MYO18B: variants seen among roughly 807,000 people sequenced by gnomAD.
MYO18B encodes the protein myosin XVIIIB.
Under a neutral mutation model 273.0 loss-of-function variants are expected in MYO18B, and 204 were observed. The ratio of observed to expected loss-of-function variants is 0.75; its 90% CI spans 0.67 to 0.84. MYO18B has a LOEUF of 0.84. Among genes scored for constraint, MYO18B ranks in the 40% least tolerant of loss-of-function variants. MYO18B has a pLI of 0.00. For synonymous variants in MYO18B, 1,330 were observed against 1,305.7 expected, an observed-to-expected ratio of 1.02 and a Z score of -0.40; for missense variants, 3,212 against 3,287.6, an observed-to-expected ratio of 0.98 and a Z score of 0.56.
At chr22:25,948,719 C>T (rs2092757799) in intron 36 of MYO18B, among the ~76,000 whole-genome samples, 1 of 151,828 alleles carries the variant, frequency 6.6e-6, no homozygotes, top group African/African-American at 2.4e-5. Flanking sequence ...CTTCATGTAC[C>T]TCACAGTTTA....
intron 26 of MYO18B, 86 bp from the exon 27 acceptor site, chr22:25,891,218 C>T (rs761237466): frequency 4.3e-5 from 45 of 1,038,780 alleles, no homozygotes; most frequent in South Asian, 4.5e-5. Context: ...GTGGCCAATC[C>T]GAGCCTTGGA....
At chr22:26,061,394 T>C in the MYO18B span, among the ~76,000 whole-genome samples, 3 of 152,178 alleles carry the variant, frequency 2.0e-5, no homozygotes, top group Admixed American at 6.5e-5. Flanking sequence ...CTTTCTGTTT[T>C]CCACCTTGAT....
chr22:25,924,319 A>T (rs552634987), intron 34 of MYO18B, among the ~76,000 whole-genome samples: 1 of 152,246 alleles, frequency 6.6e-6, no homozygotes, highest in African/African-American at 2.4e-5. Flanking sequence ...GCTGGCTGCT[A>T]CTTAAGTGCT....
chr22:25,779,854 C>T (rs916624142), intron 8 of MYO18B, among the ~76,000 whole-genome samples: 1 of 152,192 alleles, frequency 6.6e-6, no homozygotes, highest in Non-Finnish European at 1.5e-5. Flanking sequence ...GCCCAGCAAT[C>T]GGTGCTCAGT....
At chr22:25,787,309 C>CACACACACACAG (rs57856007) in intron 11 of MYO18B, among the ~76,000 whole-genome samples, 1,704 of 144,746 alleles carry the variant, frequency 0.012, 20 homozygotes, top group African/African-American at 0.028. Context: ...CACACACACA[C>CACACACACACAG]AGTCTGTCTT....
At chr22:25,788,490 G>A (rs572156626) in intron 11 of MYO18B, among the ~76,000 whole-genome samples, 2 of 152,340 alleles carry the variant, frequency 1.3e-5, no homozygotes, top group East Asian at 1.9e-4. Flanking sequence ...GCCTATCAGG[G>A]CAGGCTGCCT....
At chr22:25,766,878 G>A (rs2086524788) in intron 3 of MYO18B, among the ~76,000 whole-genome samples, 1 of 152,268 alleles carries the variant, frequency 6.6e-6, no homozygotes, top group South Asian at 2.1e-4. Flanking sequence ...GCAGCAAATT[G>A]AAGGGACAGC....
downstream of MYO18B, among the ~76,000 whole-genome samples, chr22:26,033,793 TCTCC>T (rs1936715701): frequency 1.5e-5 from 2 of 131,946 alleles, no homozygotes; most frequent in African/African-American, 8.1e-5. Flanking sequence ...TTTTTCTGTC[TCTCC>T]TTCCTTCCTT....
chr22:25,839,708 A>G (rs1295620029), intron 17 of MYO18B, among the ~76,000 whole-genome samples: 1 of 152,170 alleles, frequency 6.6e-6, no homozygotes, highest in Admixed American at 6.5e-5. Context: ...GTCTCTATGT[A>G]TGATACGGGC....
At chr22:25,850,913 C>G (rs995265569) in intron 20 of MYO18B, among the ~76,000 whole-genome samples, 1 of 152,186 alleles carries the variant, frequency 6.6e-6, no homozygotes, top group Non-Finnish European at 1.5e-5. Flanking sequence ...CTCCCAACAG[C>G]TTTTCAGGTG....
At chr22:25,972,393 G>A (rs1276928699) in intron 39 of MYO18B, among the ~76,000 whole-genome samples, 1 of 152,144 alleles carries the variant, frequency 6.6e-6, no homozygotes, top group East Asian at 1.9e-4. Context: ...ATTTGTGCCA[G>A]GCCTGAGCAT....
intron 11 of MYO18B, among the ~76,000 whole-genome samples, chr22:25,788,379 T>A (rs946521254): frequency 2.6e-5 from 4 of 152,224 alleles, no homozygotes; most frequent in Non-Finnish European, 5.9e-5. Context: ...TAGCAAATCA[T>A]ACAGGATGCC....
chr22:26,007,106 G>A (rs1463730236), intron 42 of MYO18B, among the ~76,000 whole-genome samples: 3 of 152,128 alleles, frequency 2.0e-5, no homozygotes, highest in South Asian at 2.1e-4. Flanking sequence ...GAGTGAAAGT[G>A]CTTGCACCAA....
chr22:25,870,513 A>G (rs1227109688), intron 22 of MYO18B, among the ~76,000 whole-genome samples: 6 of 152,216 alleles, frequency 3.9e-5, no homozygotes, highest in Admixed American at 3.9e-4. Flanking sequence ...TTATAATGTT[A>G]TGGGCTCGCT....
intron 13 of MYO18B, among the ~76,000 whole-genome samples, chr22:25,824,010 A>T (rs892516516): frequency 3.3e-5 from 5 of 152,040 alleles, no homozygotes; most frequent in Admixed American, 3.3e-4. Flanking sequence ...TAGGGGAAAG[A>T]CTAGTCTTTC....
intron 39 of MYO18B, among the ~76,000 whole-genome samples, 194 bp downstream of exon 39, chr22:25,955,558 T>A (rs1409324126): frequency 1.3e-5 from 2 of 152,096 alleles, no homozygotes; most frequent in African/African-American, 4.8e-5. Context: ...ACCCTGGAGG[T>A]GGGCCCAAAG....
chr22:25,846,233 C>A lies in MYO18B; in HGVS notation c.3502C>A (p.Leu1168Ile). ...GGTGAGGAGGACCTTTGCCAGCAGC[C>A]TTGCCGCGGTGAGGAGGAAAGCCCC... Reference protein sequence around the residue: ...RMVRRTFASSLAAVRRKAPCS... With the variant: ...RMVRRTFASSIAAVRRKAPCS... Residue 1168 changes from leucine (L) to isoleucine (I), a missense_variant, in exon 19 of 44, where the codon CTT becomes ATT. Transcript: ENST00000335473. 1 of 1,612,408 alleles carries A rather than the reference C, an allele frequency of 6.2e-7. No individual in the cohort carries two copies. The highest frequency in any genetic ancestry group is 8.5e-7 in the Non-Finnish European group (1 of 1,179,834).
At chr22:25,750,570 C>T (rs1250540220) in intron 1 of MYO18B, among the ~76,000 whole-genome samples, 1 of 152,172 alleles carries the variant, frequency 6.6e-6, no homozygotes, top group Non-Finnish European at 1.5e-5. Flanking sequence ...TCTCACTGGC[C>T]AACCCCTCTG....
chr22:25,928,638 C>G (rs2092455005), intron 34 of MYO18B, among the ~76,000 whole-genome samples: 1 of 152,060 alleles, frequency 6.6e-6, no homozygotes. Flanking sequence ...CAGTGAACAC[C>G]TGAGGCTTAA....
Sources: allele counts gnomAD v4.1 joint callset (sites outside exome capture counted in the v4.1 genomes callset), GRCh38; gene constraint gnomAD v4.1.1; transcripts MANE v1.5; gene names NCBI Gene and HGNC (gene_info 2026-07-23, HGNC 2026-07-21).